Variants in GRIN2C observed in about 807,000 individuals in gnomAD.
GRIN2C encodes the protein glutamate receptor ionotropic, NMDA 2C.
In GRIN2C, 64 loss-of-function variants were observed where a neutral mutation model predicts 77.7. The ratio of observed to expected loss-of-function variants is 0.82; its 90% CI spans 0.67 to 1.01. The LOEUF (loss-of-function observed/expected upper bound fraction) is 1.01, where lower values mean the gene tolerates loss of function less well. Ranked by LOEUF, GRIN2C falls within the 50% of genes least tolerant of loss-of-function variation. The pLI is 0.00. For missense variants in GRIN2C, 1,549 were observed against 1,486.0 expected (o/e 1.04, Z -0.70); for synonymous variants, 792 against 643.4 (o/e 1.23, Z -3.49).
rs1219883207 is a variant in GRIN2C, at chr17:74,847,896, T to C, written c.1727A>G (p.Tyr576Cys). ...CTGGTTGTAGCTGACAGGGCTGAAGTACTCGAACATGAAGACGGTGATGGC... is the reference window on the plus strand; with the variant it reads ...CTGGTTGTAGCTGACAGGGCTGAAGCACTCGAACATGAAGACGGTGATGGC... ...VVAITVFMFE[Y>C]FSPVSYNQNL... Residue 576 changes from tyrosine (Y) to cysteine (C), a missense_variant, in exon 8 of 13, where the codon TAC becomes TGC. Tyr to Cys is a radical substitution (Grantham distance 194). Coordinates refer to ENST00000293190, the MANE Select transcript of GRIN2C (RefSeq NM_000835.6). The surrounding 1 kb of genome is among the most constrained non-coding windows in gnomAD (Gnocchi z 5.2). 1 of 1,613,946 alleles carries C rather than the reference T, an allele frequency of 6.2e-7. No homozygotes were observed. Among genetic ancestry groups the C allele is most frequent in the Admixed American group, 1.7e-5 (1 of 60,000 alleles).
chr17:74,844,597 G>A (rs991284300), intron 11 of GRIN2C, 89 bp from the exon 12 acceptor site: 54 of 1,520,536 alleles, frequency 3.6e-5, no homozygotes, highest in Admixed American at 1.0e-4. Flanking sequence ...GGAGTAAGAA[G>A]GGATCTGGGG....
rs1413052666 is a variant in GRIN2C at position 74,855,032 on chromosome 17, G to C, written c.61C>G (p.Leu21Val). 1 of 1,600,800 alleles carries C rather than the reference G, an allele frequency of 6.2e-7. No individual in the cohort carries two copies. The highest frequency in any genetic ancestry group is 8.5e-7 in the Non-Finnish European group (1 of 1,179,054). ...CCCTGCTCGCCCTGCCCCGGACCCA[G>C]CCCTGCCCAGGCACCGAAGAGCGAG... ...LTSLFGAWAG[L>V]GPGQGEQGMT... The change falls in exon 2 of 13, where the codon CTG becomes GTG. Residue 21 changes from leucine to valine, a missense_variant. By Grantham distance (32) the Leu-to-Val change is conservative. Coordinates refer to ENST00000293190, the MANE Select transcript of GRIN2C (RefSeq NM_000835.6).
In GRIN2C at chr17:74,847,334, T is replaced by A; in HGVS notation, c.1975A>T (p.Thr659Ser). The A allele has an allele frequency of 7.1e-7, 1 of 1,415,458 alleles. No individual in the cohort carries two copies. The highest frequency in any genetic ancestry group is 9.4e-7 in the Non-Finnish European group (1 of 1,058,288). The allele number at this position is 1,415,458 out of a possible 1,614,324, so 87.7% of individuals were successfully genotyped here. ...AFMIQEQYID[T>S]VSGLSDKKFQ... The stretch of plus-strand genomic sequence containing the variant: ...TTCTTGTCACTGAGGCCCGACACAG[T>A]GTCGATGTATTGCTCTTGGATCATG... The change falls in exon 9 of 13, where the codon ACT becomes TCT. Residue 659 changes from threonine (T) to serine (S), a missense_variant. Physicochemically the swap from Thr to Ser is moderately conservative, Grantham distance 58 (BLOSUM62 1). Coordinates refer to ENST00000293190, the MANE Select transcript of GRIN2C (RefSeq NM_000835.6). This position sits in a 1 kb window ranked among gnomAD's most constrained non-coding sequence, Gnocchi z 5.2.
chr17:74,855,283 A>G (rs2037790919), intron 1 of GRIN2C, among the ~76,000 whole-genome samples, 176 bp from the exon 2 acceptor site: 1 of 152,088 alleles, frequency 6.6e-6, no homozygotes, highest in African/African-American at 2.4e-5. Context: ...GACAAAGAGA[A>G]AGAGACAGAG....
At position 74,842,758 on chromosome 17, in the gene GRIN2C, TC is replaced by T; in HGVS notation, c.3378del (p.Ile1127SerfsTer84). The T allele has an allele frequency of 1.5e-6, 1 of 687,504 alleles. No individual in the cohort carries two copies. 42.6% of individuals were successfully genotyped at this position (687,504 alleles called of 1,614,324 possible). A position where few individuals can be genotyped will look rare whatever the true frequency, so the allele number is the denominator to read the frequency against. The part of the protein sequence containing the change: ...RLAQAQSMCL[P>X]IYREACQEGE... ...CCCTCCTGGCAGGCCTCCCGGTAGA[TC>T]GGCAAGCACATCGACTGCGCCTGCG... On this transcript the variant is annotated frameshift_variant, in exon 13 of 13. Transcript: ENST00000293190. LOFTEE classifies it high-confidence loss of function.
At chr17:74,843,999 G>A in intron 12 of GRIN2C, 1 of 584,788 alleles carries the variant, frequency 1.7e-6, no homozygotes, top group East Asian at 3.1e-5. Context: ...TCAGCCTCCT[G>A]AGTAGCTGGG....
At chr17:74,845,261 A>AC (rs1567889215) in intron 11 of GRIN2C, among the ~76,000 whole-genome samples, 1 of 97,650 alleles carries the variant, frequency 1.0e-5, no homozygotes, top group Non-Finnish European at 2.1e-5. Flanking sequence ...GAGAAATCAG[A>AC]TTTTTTTTTT....
At position 74,847,680 on chromosome 17, in the gene GRIN2C, G is replaced by T; in HGVS notation, c.1772-143C>A. On this transcript the variant is annotated intron_variant, in intron 8 of 12. Coordinates refer to ENST00000293190, the MANE Select transcript of GRIN2C (RefSeq NM_000835.6). This position sits in a 1 kb window ranked among gnomAD's most constrained non-coding sequence, Gnocchi z 5.2. The stretch of plus-strand genomic sequence containing the variant: ...CCTGGCCATTCCCTCGCCAGGTGAA[G>T]TGAGCTCACGTGTGTGTTTCTGTGT... 1.2e-6 allele frequency: 1 copy of T among 852,482 alleles called. No individual in the cohort carries two copies. 52.8% of individuals were successfully genotyped at this position (852,482 alleles called of 1,614,324 possible).
chr17:74,844,119 T>G, intron 12 of GRIN2C, 157 bp downstream of exon 12: 1 of 1,394,986 alleles, frequency 7.2e-7, no homozygotes, highest in Non-Finnish European at 9.4e-7. Flanking sequence ...AGGGATCCAC[T>G]GGCCTAAGCC....
At position 74,850,985 on chromosome 17, in the gene GRIN2C, T is replaced by C. The variant is rs1479112462; in HGVS notation, c.1114-218A>G. The C allele has an allele frequency of 1.2e-5, 7 of 593,618 alleles. No homozygotes were observed. Among genetic ancestry groups the C allele is most frequent in the Non-Finnish European group, 1.8e-5 (6 of 332,158 alleles). The allele number at this position is 593,618 out of a possible 1,614,324, so 36.8% of individuals were successfully genotyped here. On this transcript the variant is annotated intron_variant, in intron 4 of 12. Transcript: ENST00000293190. This position sits in a 1 kb window ranked among gnomAD's most constrained non-coding sequence, Gnocchi z 5.3. ...TCTTCCTAAAGCCCAGACCTGACCC[T>C]GTCTCACTCACTGTACTGGTCCCCC...
intron 7 of GRIN2C, 93 bp from the exon 8 acceptor site, chr17:74,848,070 A>G: frequency 1.4e-6 from 2 of 1,418,042 alleles, no homozygotes; most frequent in Non-Finnish European, 2.0e-6. Flanking sequence ...CCACGTGATC[A>G]AAGTAGGGGC....
At position 74,852,271 on chromosome 17, in the gene GRIN2C, C is replaced by A; in HGVS notation, c.740G>T (p.Gly247Val). The A allele has an allele frequency of 7.1e-7, 1 of 1,407,234 alleles. No individual in the cohort carries two copies. 87.2% of individuals were successfully genotyped at this position (1,407,234 alleles called of 1,614,324 possible). The change falls in exon 3 of 13, where the codon GGG becomes GTG. Residue 247 changes from glycine (G) to valine (V), a missense_variant. Around this residue, in one of 3 missense-constraint regions of GRIN2C, gnomAD observed 382 missense variants for 360.0 expected, o/e 1.06. Coordinates refer to ENST00000293190, the MANE Select transcript of GRIN2C (RefSeq NM_000835.6). ...GGGCACCAGCCACACGTGGCCGGGCCCCACCAGACCGGCCTGCGCCGCCTC... is the reference window on the plus strand; with the variant it reads ...GGGCACCAGCCACACGTGGCCGGGCACCACCAGACCGGCCTGCGCCGCCTC... ...FAEAAQAGLV[G>V]PGHVWLVPNL...
At chr17:74,853,015 T>G in intron 2 of GRIN2C, 2 of 170,558 alleles carry the variant, frequency 1.2e-5, no homozygotes, top group Non-Finnish European at 2.5e-5. Flanking sequence ...TGAATCTGAA[T>G]TCCAGAGGTG....
Position 74,843,461 on chromosome 17 carries a change from G to A in GRIN2C, c.2676C>T (p.Ser892=), listed in dbSNP as rs1428937648. 1.3e-6 allele frequency: 2 copies of A among 1,534,754 alleles called. No individual in the cohort carries two copies. The highest frequency in any genetic ancestry group is 2.4e-5 in the East Asian group (1 of 40,898). The part of the protein sequence containing the change: ...PDLTASSAQA[S]VLKMLQAARD... The stretch of plus-strand genomic sequence containing the variant: ...GGGCTGCCTGCAGCATCTTGAGCAC[G>A]CTGGCCTGGGCCGAGCTGGCCGTGA... The change falls in exon 13 of 13, where the codon AGC becomes AGT. Residue 892 remains serine, a synonymous_variant. Coordinates refer to ENST00000293190, the MANE Select transcript of GRIN2C (RefSeq NM_000835.6).
Position 74,846,379 on chromosome 17 carries a change from G to C in GRIN2C, c.2163-126C>G. ...CACCCCCGGGAGGGACCAATGGGCA[G>C]AGACTTGTCTGGTTCTCTTGGGTCC... is the stretch of plus-strand genomic sequence containing the variant. On this transcript the variant is annotated intron_variant, in intron 10 of 12. Coordinates refer to ENST00000293190, the MANE Select transcript of GRIN2C (RefSeq NM_000835.6). This position sits in a 1 kb window ranked among gnomAD's most constrained non-coding sequence, Gnocchi z 4.4. 1.3e-6 allele frequency: 1 copy of C among 759,660 alleles called. No individual in the cohort carries two copies. The highest frequency in any genetic ancestry group is 2.6e-5 in the East Asian group (1 of 38,036). 47.1% of individuals were successfully genotyped at this position (759,660 alleles called of 1,614,324 possible).
rs1194812066 is a variant in GRIN2C at position 74,850,517 on chromosome 17, C to T, written c.1325+39G>A. ...ACGACACCTGACCATCACACGGCAG[C>T]ACCCAGCTCACACTAGCCTCCCAGG... On this transcript the variant is annotated intron_variant, in intron 5 of 12. Coordinates refer to ENST00000293190, the MANE Select transcript of GRIN2C (RefSeq NM_000835.6). This position sits in a 1 kb window ranked among gnomAD's most constrained non-coding sequence, Gnocchi z 5.3. The T allele has an allele frequency of 6.3e-7, 1 of 1,594,732 alleles. No individual in the cohort carries two copies. Among genetic ancestry groups the T allele is most frequent in the Admixed American group, 1.7e-5 (1 of 60,002 alleles).
At chr17:74,848,683 G>A (rs2037536663) in intron 7 of GRIN2C, among the ~76,000 whole-genome samples, 1 of 150,524 alleles carries the variant, frequency 6.6e-6, no homozygotes, top group South Asian at 2.1e-4. Context: ...CTGGATGACA[G>A]AGCAAGACTC....
chr17:74,854,152 G>A (rs1465773303), intron 2 of GRIN2C: 1 of 152,670 alleles, frequency 6.6e-6, no homozygotes, highest in Non-Finnish European at 1.5e-5. Flanking sequence ...CCCTATGCAT[G>A]AGCCATGAGT....
intron 1 of GRIN2C, among the ~76,000 whole-genome samples, chr17:74,856,789 T>C (rs1203523659): frequency 1.3e-5 from 2 of 151,884 alleles, no homozygotes; most frequent in East Asian, 1.9e-4. Context: ...ATCTCTCTCT[T>C]TTTTTTTAAT....
Sources: allele counts gnomAD v4.1 joint callset (sites outside exome capture counted in the v4.1 genomes callset), GRCh38; gene constraint gnomAD v4.1.1; regional missense constraint gnomAD v4.1.1; non-coding constraint Gnocchi (gnomAD v3.1); transcripts MANE v1.5; gene names NCBI Gene and HGNC (gene_info 2026-07-23, HGNC 2026-07-21).